Variants in CDH13 observed in about 807,000 individuals in gnomAD.
CDH13 encodes cadherin-13.
Under a neutral mutation model 63.8 loss-of-function variants are expected in CDH13, and 24 were observed. The observed-to-expected ratio is 0.38, with a 90% confidence interval of 0.27 to 0.53. The LOEUF is 0.53. Ranked by LOEUF, CDH13 falls within the 20% of genes least tolerant of loss-of-function variation. CDH13 has a pLI of 0.85. For missense variants in CDH13, 1,049 were observed against 903.1 expected (o/e 1.16, Z -2.07); for synonymous variants, 503 against 355.3 (o/e 1.42, Z -4.67).
intron 3 of CDH13, among the ~76,000 whole-genome samples, chr16:83,067,291 C>T (rs1222342188): frequency 6.6e-6 from 1 of 152,246 alleles, no homozygotes; most frequent in Non-Finnish European, 1.5e-5. Context: ...TGGTTAACGG[C>T]ACGGGCTGAG....
chr16:83,767,965 C>T (rs755721670), intron 11 of CDH13, among the ~76,000 whole-genome samples: 6 of 150,684 alleles, frequency 4.0e-5, no homozygotes, highest in Non-Finnish European at 8.9e-5. Context: ...AATTAATAGT[C>T]GCAAAAATAA....
chr16:83,525,495 T>G (rs2074941027), intron 7 of CDH13, among the ~76,000 whole-genome samples: 1 of 152,224 alleles, frequency 6.6e-6, no homozygotes, highest in Non-Finnish European at 1.5e-5. Context: ...GCAGTATTGG[T>G]GGGAGAGGGC....
intron 2 of CDH13, among the ~76,000 whole-genome samples, chr16:82,877,508 G>T (rs2151198025): frequency 6.6e-6 from 1 of 152,298 alleles, no homozygotes; most frequent in Admixed American, 6.5e-5. Context: ...GTTCACATTT[G>T]TTCCATGTTA....
At chr16:83,231,127 C>G (rs750958670) in intron 5 of CDH13, among the ~76,000 whole-genome samples, 10 of 152,186 alleles carry the variant, frequency 6.6e-5, no homozygotes, top group Non-Finnish European at 4.4e-5. Flanking sequence ...AGGTCACATT[C>G]TAGATAACTT....
intron 1 of CDH13, among the ~76,000 whole-genome samples, chr16:82,691,145 A>G (rs1397877063): frequency 6.6e-6 from 1 of 152,224 alleles, no homozygotes; most frequent in East Asian, 1.9e-4. Flanking sequence ...CAGCCAAATG[A>G]ACAAGTCTGG....
chr16:83,678,273 C>G lies in CDH13; in HGVS notation c.1350C>G (p.Leu450=), dbSNP rs370031597. The change falls in exon 10 of 14, where the codon CTC becomes CTG. Residue 450 remains leucine, a synonymous_variant. Coordinates refer to ENST00000567109, the MANE Select transcript of CDH13 (RefSeq NM_001257.5). ...LLIKVENEDP[L]VPDVSYGPSS... ...TCAAAGTGGAAAATGAAGACCCACT[C>G]GTACCCGACGTCTCCTACGGCCCCA... The G allele has an allele frequency of 1.2e-6, 2 of 1,613,972 alleles. No individual in the cohort carries two copies. Among genetic ancestry groups the G allele is most frequent in the Non-Finnish European group, 8.5e-7 (1 of 1,179,882 alleles).
intron 2 of CDH13, among the ~76,000 whole-genome samples, chr16:82,925,663 G>A (rs1229094151): frequency 6.6e-6 from 1 of 152,158 alleles, no homozygotes; most frequent in Non-Finnish European, 1.5e-5. Flanking sequence ...CATGATATTG[G>A]CTGGGTATTA....
chr16:82,966,312 C>G (rs1211484489), intron 2 of CDH13, among the ~76,000 whole-genome samples: 1 of 149,586 alleles, frequency 6.7e-6, no homozygotes, highest in African/African-American at 2.4e-5. Context: ...CCACGCCCAG[C>G]TAATTTTTTT....
chr16:83,109,128 A>C (rs2034935796), intron 3 of CDH13, among the ~76,000 whole-genome samples: 5 of 152,208 alleles, frequency 3.3e-5, no homozygotes, highest in Admixed American at 3.3e-4. Context: ...GCTCATGTAC[A>C]AAAAGGAAAC....
intron 2 of CDH13, among the ~76,000 whole-genome samples, chr16:83,022,211 C>G (rs1384438385): frequency 6.6e-6 from 1 of 152,168 alleles, no homozygotes; most frequent in African/African-American, 2.4e-5. Context: ...CTTTAGTTGT[C>G]AGAAAGACAT....
intron 10 of CDH13, among the ~76,000 whole-genome samples, chr16:83,734,756 A>T (rs867358575): frequency 2.8e-4 from 15 of 52,966 alleles, no homozygotes; most frequent in East Asian, 9.6e-4. Flanking sequence ...ATAATAATAA[A>T]AACAGGGATT....
At chr16:82,748,764 C>T (rs962216275) in intron 1 of CDH13, among the ~76,000 whole-genome samples, 2 of 152,090 alleles carry the variant, frequency 1.3e-5, no homozygotes, top group African/African-American at 4.8e-5. Context: ...CTATAAAGAG[C>T]CAGGATGGTA....
intron 7 of CDH13, among the ~76,000 whole-genome samples, chr16:83,500,284 TC>T (rs758431487): frequency 0.063 from 138 of 2,178 alleles, 15 homozygotes; most frequent in East Asian, 0.62. Context: ...TTCTTCTTCT[TC>T]TTCTTCTTCT....
chr16:82,778,760 C>T (rs1047537953), intron 1 of CDH13, among the ~76,000 whole-genome samples: 18 of 152,076 alleles, frequency 1.2e-4, no homozygotes, highest in South Asian at 2.1e-4. Flanking sequence ...TTAAAGCACG[C>T]AAGGCACTAG....
At chr16:83,787,401 A>G (rs1915956741) in intron 13 of CDH13, among the ~76,000 whole-genome samples, 1 of 152,202 alleles carries the variant, frequency 6.6e-6, no homozygotes, top group Admixed American at 6.5e-5. Context: ...ACTTGAGGTT[A>G]GAGTCAGCCC....
chr16:83,104,799 A>G (rs2034684363), intron 3 of CDH13, among the ~76,000 whole-genome samples: 1 of 152,202 alleles, frequency 6.6e-6, no homozygotes, highest in African/African-American at 2.4e-5. Flanking sequence ...GTTTGCAGCC[A>G]TAACATTATG....
chr16:83,102,965 T>TTTTTTTTTTTC (rs2034570357), intron 3 of CDH13, among the ~76,000 whole-genome samples: 6 of 107,836 alleles, frequency 5.6e-5, no homozygotes, highest in Admixed American at 1.1e-4. Context: ...TTTTTTTTTT[T>TTTTTTTTTTTC]TTTTTGAGGT....
chr16:83,137,167 C>G (rs1156887079), intron 4 of CDH13, among the ~76,000 whole-genome samples: 1 of 152,188 alleles, frequency 6.6e-6, no homozygotes, highest in Non-Finnish European at 1.5e-5. Flanking sequence ...CAGCTGGTCT[C>G]ATGCCCAGTT....
intron 7 of CDH13, among the ~76,000 whole-genome samples, chr16:83,507,040 T>G (rs969301154): frequency 6.6e-6 from 1 of 152,214 alleles, no homozygotes; most frequent in African/African-American, 2.4e-5. Context: ...TTATTCAGCA[T>G]TAGATAACTA....
Sources: gnomAD v4.1 joint callset for allele counts (sites outside exome capture counted in the v4.1 genomes callset) on GRCh38, gnomAD v4.1.1 for gene constraint, MANE v1.5 for transcripts, NCBI Gene and HGNC (gene_info 2026-07-23, HGNC 2026-07-21) for gene names.